Variants in TMEM30A observed in about 807,000 individuals in gnomAD.
TMEM30A encodes the protein cell cycle control protein 50A.
In TMEM30A, 24 loss-of-function variants were observed where a neutral mutation model predicts 38.2. The ratio of observed to expected loss-of-function variants is 0.63; its 90% CI spans 0.46 to 0.88. TMEM30A has a LOEUF of 0.88. Ranked by LOEUF, TMEM30A falls within the 40% of genes least tolerant of loss-of-function variation. The pLI is 0.00. For missense variants in TMEM30A, 370 were observed against 458.6 expected (o/e 0.81, Z 1.77); for synonymous variants, 145 against 161.6 (o/e 0.90, Z 0.78).
chr6:75,271,344 C>A (rs1447415457), intron 1 of TMEM30A, among the ~76,000 whole-genome samples: 1 of 151,850 alleles, frequency 6.6e-6, no homozygotes, highest in East Asian at 1.9e-4. Context: ...TTTATTGGAA[C>A]CAAGAGTAAT....
intron 3 of TMEM30A, among the ~76,000 whole-genome samples, chr6:75,262,848 TG>T (rs1262713004): frequency 1.3e-5 from 2 of 152,240 alleles, no homozygotes; most frequent in Non-Finnish European, 2.9e-5. Flanking sequence ...ATGATGAAGA[TG>T]TCTACATTCA....
chr6:75,277,747 A>T (rs1390329533), intron 1 of TMEM30A, among the ~76,000 whole-genome samples: 3 of 152,006 alleles, frequency 2.0e-5, no homozygotes, highest in Non-Finnish European at 2.9e-5. Flanking sequence ...CTCTAGCAAA[A>T]ATTTAAAAAT....
intron 2 of TMEM30A, 105 bp from the exon 3 acceptor site, chr6:75,265,443 A>G: frequency 1.8e-6 from 1 of 552,520 alleles, no homozygotes; most frequent in Admixed American, 3.8e-5. Flanking sequence ...ATTAGTTTAC[A>G]ATTTGTGATA....
chr6:75,280,805 C>T lies in TMEM30A; in HGVS notation c.237+3597G>A, dbSNP rs551424500. Among the ~76,000 whole-genome samples the T allele has an allele frequency of 5.9e-5, 9 of 152,190 alleles. No individual in the cohort carries two copies. The South Asian group carries it at 1.5e-3, about 25-fold the overall frequency. On this transcript the variant is annotated intron_variant, in intron 1 of 6. Coordinates refer to ENST00000230461, the MANE Select transcript of TMEM30A (RefSeq NM_018247.4). ...TAACATAAAAGTGCCTAATCTTTAACGATAATTTATACAAAGCAACTTATT... is the reference window on the plus strand; with the variant it reads ...TAACATAAAAGTGCCTAATCTTTAATGATAATTTATACAAAGCAACTTATT...
chr6:75,265,417 C>CATGT, intron 2 of TMEM30A, 79 bp from the exon 3 acceptor site: 1 of 744,596 alleles, frequency 1.3e-6, no homozygotes, highest in Non-Finnish European at 2.0e-6. Context: ...ATAAAAGCTA[C>CATGT]GTAATTTGGA....
In TMEM30A at chr6:75,263,298, T is replaced by C. The variant is rs1772004724; in HGVS notation, c.453+1933A>G. Among the ~76,000 whole-genome samples, 3 of 152,156 alleles carry C rather than the reference T, an allele frequency of 2.0e-5. No homozygotes were observed. The South Asian group carries it at 6.2e-4, about 31-fold the overall frequency. ...GATGATATGTGATGAGATAAGAGGA[T>C]TACGCATAGCTCAGATCATCCTGAG... On this transcript the variant is annotated intron_variant, in intron 3 of 6. Transcript: ENST00000230461.
Position 75,284,496 on chromosome 6 carries a change from C to T in TMEM30A, c.143G>A (p.Gly48Asp). 1 of 1,611,646 alleles carries T rather than the reference C, an allele frequency of 6.2e-7. No homozygotes were observed. Among genetic ancestry groups the T allele is most frequent in the Non-Finnish European group, 8.5e-7 (1 of 1,178,612 alleles). The change falls in exon 1 of 7, where the codon GGC becomes GAC. Residue 48 changes from glycine (G) to aspartate (D), a missense_variant. Coordinates refer to ENST00000230461, the MANE Select transcript of TMEM30A (RefSeq NM_018247.4). ...GATGAAGAAAATAGGTAGCACCGTG[C>T]CAGCCGTAAGGATGGGCTGCCAAGC... ...LPAWQPILTA[G>D]TVLPIFFIIG...
intron 1 of TMEM30A, among the ~76,000 whole-genome samples, chr6:75,280,520 T>C (rs2149525175): frequency 6.6e-6 from 1 of 152,286 alleles, no homozygotes; most frequent in African/African-American, 2.4e-5. Flanking sequence ...ATGAGAAGAA[T>C]GGAAATTTTG....
At chr6:75,268,248 AT>A in intron 1 of TMEM30A, among the ~76,000 whole-genome samples, 1 of 152,204 alleles carries the variant, frequency 6.6e-6, no homozygotes. Flanking sequence ...AAGGAGCTTT[AT>A]GCTTGGAATT....
At chr6:75,259,731 G>A (rs1771932383) in intron 4 of TMEM30A, among the ~76,000 whole-genome samples, 1 of 152,180 alleles carries the variant, frequency 6.6e-6, no homozygotes, top group Non-Finnish European at 1.5e-5. Flanking sequence ...TAGCTGACAT[G>A]CAGTAAGATC....
chr6:75,260,982 A>T, intron 3 of TMEM30A, 71 bp from the exon 4 acceptor site: 1 of 1,030,496 alleles, frequency 9.7e-7, no homozygotes, highest in South Asian at 1.7e-5. Context: ...GCTATCCCTA[A>T]ATTACTGATT....
At chr6:75,266,481 T>C (rs1317880041) in intron 2 of TMEM30A, among the ~76,000 whole-genome samples, 1 of 152,216 alleles carries the variant, frequency 6.6e-6, no homozygotes. Flanking sequence ...AGAGATTATT[T>C]GAATGAACAC....
At chr6:75,280,502 T>C (rs371599728) in intron 1 of TMEM30A, among the ~76,000 whole-genome samples, 2 of 152,300 alleles carry the variant, frequency 1.3e-5, no homozygotes, top group East Asian at 3.9e-4. Context: ...ATAGGTCTAC[T>C]AATACTAATG....
rs2149517373 is a variant in TMEM30A at position 75,255,469 on chromosome 6, A to G, written c.*633T>C. ...AATTCTCCTAAGCAGGACCTACCCA[A>G]CCACTGCAGACATGAGCATTAATTC... is the stretch of plus-strand genomic sequence containing the variant. On this transcript the variant is annotated 3_prime_UTR_variant, in exon 7 of 7. Transcript: ENST00000230461. The G allele has an allele frequency of 6.6e-6, 1 of 152,516 alleles. No homozygotes were observed. The highest frequency in any genetic ancestry group is 1.5e-5 in the Non-Finnish European group (1 of 67,982). 9.4% of individuals were successfully genotyped at this position (152,516 alleles called of 1,614,324 possible).
At chr6:75,270,167 T>C (rs1772141350) in intron 1 of TMEM30A, among the ~76,000 whole-genome samples, 1 of 152,218 alleles carries the variant, frequency 6.6e-6, no homozygotes, top group Non-Finnish European at 1.5e-5. Flanking sequence ...CCATTTTGCA[T>C]TCCATCATAA....
chr6:75,265,348 C>G lies in TMEM30A; in HGVS notation c.346-10G>C, dbSNP rs1562390422. 6.6e-7 allele frequency: 1 copy of G among 1,524,288 alleles called. No individual in the cohort carries two copies. Among genetic ancestry groups the G allele is most frequent in the East Asian group, 2.3e-5 (1 of 43,010 alleles). The allele number at this position is 1,524,288 out of a possible 1,614,324, so 94.4% of individuals were successfully genotyped here. ...ACATAAACACGTTGCCCTAGAGAAA[C>G]AGAGAGGGAAAAAATTTTCATATAA... On this transcript the variant is annotated splice_polypyrimidine_tract_variant and intron_variant, in intron 2 of 6. Coordinates refer to ENST00000230461, the MANE Select transcript of TMEM30A (RefSeq NM_018247.4).
chr6:75,270,460 G>A (rs1281789058), intron 1 of TMEM30A, among the ~76,000 whole-genome samples: 1 of 152,118 alleles, frequency 6.6e-6, no homozygotes, highest in Non-Finnish European at 1.5e-5. Context: ...TCATGAGGGT[G>A]GAGCTCCTAT....
intron 1 of TMEM30A, among the ~76,000 whole-genome samples, chr6:75,278,067 G>A (rs1772291817): frequency 6.6e-6 from 1 of 151,954 alleles, no homozygotes; most frequent in Non-Finnish European, 1.5e-5. Context: ...TTAAGTATCA[G>A]CAAAGCCACA....
chr6:75,271,017 C>T (rs887392359), intron 1 of TMEM30A, among the ~76,000 whole-genome samples: 2 of 152,206 alleles, frequency 1.3e-5, no homozygotes, highest in Non-Finnish European at 2.9e-5. Context: ...CACAATATTC[C>T]ACTTAAATAC....
Sources: allele counts gnomAD v4.1 joint callset (sites outside exome capture counted in the v4.1 genomes callset), GRCh38; gene constraint gnomAD v4.1.1; transcripts MANE v1.5; gene names NCBI Gene and HGNC (gene_info 2026-07-23, HGNC 2026-07-21).